The following LRRTM4 variants were observed in gnomAD, a reference collection of about 807,000 sequenced individuals.
LRRTM4 encodes leucine rich repeat transmembrane neuronal 4, also known as leucine-rich repeat transmembrane neuronal protein 4.
A neutral mutation model predicts 47.6 loss-of-function variants in LRRTM4; 25 were observed. The ratio of observed to expected loss-of-function variants is 0.53; its 90% CI spans 0.38 to 0.73. The LOEUF is 0.73. Ranked by LOEUF, LRRTM4 falls within the 30% of genes least tolerant of loss-of-function variation. The pLI is 0.00. For missense variants in LRRTM4, 638 were observed against 713.4 expected (o/e 0.89, Z 1.20); for synonymous variants, 311 against 269.5 (o/e 1.15, Z -1.51).
At chr2:77,357,472 C>T (rs1672010705) in intron 3 of LRRTM4, among the ~76,000 whole-genome samples, 1 of 152,112 alleles carries the variant, frequency 6.6e-6, no homozygotes, top group South Asian at 2.1e-4. Flanking sequence ...TCCTGGTCCT[C>T]CTGAATACTA....
At chr2:77,035,672 A>T (rs1183818116) in intron 3 of LRRTM4, among the ~76,000 whole-genome samples, 1 of 151,894 alleles carries the variant, frequency 6.6e-6, no homozygotes, top group African/African-American at 2.4e-5. Flanking sequence ...TTTTTCACTC[A>T]GCATAATTCT....
chr2:76,862,056 G>A (rs180964012), intron 3 of LRRTM4, among the ~76,000 whole-genome samples: 69 of 151,478 alleles, frequency 4.6e-4, no homozygotes, highest in Admixed American at 4.5e-3. Flanking sequence ...CAGGTATTGG[G>A]GCTTGCTAAT....
intron 3 of LRRTM4, among the ~76,000 whole-genome samples, chr2:77,068,263 G>A (rs991970236): frequency 3.3e-5 from 5 of 152,064 alleles, no homozygotes; most frequent in Non-Finnish European, 7.4e-5. Flanking sequence ...CTTGTAAGTT[G>A]TTTCACTTGG....
intron 3 of LRRTM4, among the ~76,000 whole-genome samples, chr2:77,049,157 T>TATATATACACAC (rs1351971551): frequency 1.1e-3 from 116 of 106,272 alleles, no homozygotes; most frequent in African/African-American, 5.5e-3. Flanking sequence ...TATATATATA[T>TATATATACACAC]ACACACACAC....
At chr2:77,301,047 T>C (rs17013938) in intron 3 of LRRTM4, among the ~76,000 whole-genome samples, 23,642 of 151,920 alleles carry the variant, frequency 0.16, 2,349 homozygotes, top group East Asian at 0.44. Flanking sequence ...ATGCTATATC[T>C]CTTTTAAAGT....
intron 3 of LRRTM4, among the ~76,000 whole-genome samples, chr2:77,317,613 T>C (rs374432630): frequency 6.6e-6 from 1 of 152,218 alleles, no homozygotes; most frequent in East Asian, 1.9e-4. Context: ...GTCAGTGTTA[T>C]ACCTAAAATT....
chr2:76,875,349 T>C (rs1340432995), intron 3 of LRRTM4, among the ~76,000 whole-genome samples: 1 of 152,136 alleles, frequency 6.6e-6, no homozygotes, highest in Non-Finnish European at 1.5e-5. Context: ...TTAATACTTC[T>C]ATATGGTTTA....
intron 3 of LRRTM4, among the ~76,000 whole-genome samples, chr2:76,934,059 A>T (rs1174015512): frequency 2.6e-5 from 4 of 152,152 alleles, no homozygotes; most frequent in Non-Finnish European, 5.9e-5. Context: ...TTCACTTTGC[A>T]TCAGTACTCC....
intron 3 of LRRTM4, among the ~76,000 whole-genome samples, chr2:76,967,157 C>CTT (rs537519196): frequency 2.4e-4 from 33 of 134,694 alleles, no homozygotes; most frequent in African/African-American, 4.0e-4. Flanking sequence ...CATTCCCTTG[C>CTT]TTTTTTTTTT....
intron 3 of LRRTM4, among the ~76,000 whole-genome samples, chr2:76,905,108 G>A (rs893657269): frequency 6.6e-6 from 1 of 152,122 alleles, no homozygotes; most frequent in South Asian, 2.1e-4. Context: ...CCCAGTAGGG[G>A]CAGACTGACA....
rs137908182 is a variant in LRRTM4, at chr2:77,178,118, C to T, written c.1551+340200G>A. 3.2e-3 allele frequency among the ~76,000 whole-genome samples: 481 copies of T among 152,114 alleles called. 4 individuals are homozygous for T. The highest frequency in any genetic ancestry group is 4.1e-3 in the Non-Finnish European group (276 of 67,994). ...TATTATTAACTGCTGTATCTTTAGA[C>T]TATATTGTAATGAATAAATATTTTC... On this transcript the variant is annotated intron_variant, in intron 3 of 3. Coordinates refer to ENST00000409884, the MANE Select transcript of LRRTM4 (RefSeq NM_001134745.3).
intron 3 of LRRTM4, among the ~76,000 whole-genome samples, chr2:77,127,393 G>A (rs1183614434): frequency 6.6e-6 from 1 of 152,104 alleles, no homozygotes; most frequent in Non-Finnish European, 1.5e-5. Flanking sequence ...TAAATCACAT[G>A]AATCAATAAA....
At chr2:77,445,694 T>TG (rs981849150) in intron 3 of LRRTM4, among the ~76,000 whole-genome samples, 4 of 152,054 alleles carry the variant, frequency 2.6e-5, no homozygotes, top group Admixed American at 2.6e-4. Context: ...ACAATACATT[T>TG]GGGGTCCTTT....
intron 3 of LRRTM4, among the ~76,000 whole-genome samples, chr2:77,481,173 A>G (rs1677688350): frequency 6.6e-6 from 1 of 152,140 alleles, no homozygotes; most frequent in South Asian, 2.1e-4. Flanking sequence ...TTCTGTACCA[A>G]ACTTTTTTCT....
chr2:77,240,896 A>G (rs1291768344), intron 3 of LRRTM4, among the ~76,000 whole-genome samples: 1 of 151,942 alleles, frequency 6.6e-6, no homozygotes. Flanking sequence ...CAATAATGAA[A>G]AGTTTATAGA....
intron 3 of LRRTM4, among the ~76,000 whole-genome samples, chr2:76,888,320 A>G (rs904274579): frequency 6.6e-6 from 1 of 151,512 alleles, no homozygotes; most frequent in South Asian, 2.1e-4. Flanking sequence ...TTGTAGAAGT[A>G]TATTTATATT....
intron 3 of LRRTM4, among the ~76,000 whole-genome samples, chr2:77,320,945 C>A (rs1317987496): frequency 1.3e-5 from 2 of 151,712 alleles, no homozygotes; most frequent in Non-Finnish European, 2.9e-5. Context: ...ATTTGACATA[C>A]CTGATAGGGA....
intron 3 of LRRTM4, among the ~76,000 whole-genome samples, chr2:77,053,501 A>G (rs1412177776): frequency 2.0e-5 from 3 of 152,176 alleles, no homozygotes; most frequent in African/African-American, 7.2e-5. Context: ...TCAATTTTAA[A>G]AGACTACATT....
intron 3 of LRRTM4, among the ~76,000 whole-genome samples, chr2:77,184,597 T>A (rs1254577074): frequency 1.3e-5 from 2 of 152,110 alleles, no homozygotes; most frequent in East Asian, 3.9e-4. Flanking sequence ...ATAAAGCCTT[T>A]CCCAAAGGAG....
Sources: allele counts gnomAD v4.1 joint callset (sites outside exome capture counted in the v4.1 genomes callset), GRCh38; gene constraint gnomAD v4.1.1; transcripts MANE v1.5; gene names NCBI Gene and HGNC (gene_info 2026-07-23, HGNC 2026-07-21).